The following TMEM130 variants were observed in gnomAD, a reference collection of about 807,000 sequenced individuals.
TMEM130 encodes transmembrane protein 130.
In TMEM130, 37 loss-of-function variants were observed where a neutral mutation model predicts 42.9. The ratio of observed to expected loss-of-function variants is 0.86; its 90% CI spans 0.66 to 1.13. The LOEUF is 1.13. Among genes scored for constraint, TMEM130 ranks in the 50% most tolerant of loss-of-function variants. The pLI is 0.00. For missense variants in TMEM130, 545 were observed against 562.6 expected (o/e 0.97, Z 0.32); for synonymous variants, 259 against 237.7 (o/e 1.09, Z -0.82).
At chr7:98,855,922 C>T in intron 4 of TMEM130, 95 bp downstream of exon 4, 1 of 1,408,906 alleles carries the variant, frequency 7.1e-7, no homozygotes, top group South Asian at 1.4e-5. Context: ...CTCCAGAAGA[C>T]AGGGCGTGAG....
intron 5 of TMEM130, among the ~76,000 whole-genome samples, chr7:98,852,901 G>C (rs889315831): frequency 6.6e-6 from 1 of 152,104 alleles, no homozygotes; most frequent in African/African-American, 2.4e-5. Context: ...CTGACCATGA[G>C]AGCATTCTTA....
chr7:98,850,267 A>ATTTTTTTTTTTTTTTTTT (rs1161479294), intron 6 of TMEM130, among the ~76,000 whole-genome samples: 5 of 28,826 alleles, frequency 1.7e-4, no homozygotes, highest in East Asian at 7.8e-4. Flanking sequence ...ATATATATAT[A>ATTTTTTTTTTTTTTTTTT]TATATATTTT....
chr7:98,847,509 T>TGA lies in TMEM130; in HGVS notation c.*546_*547insTC, dbSNP rs1256317089. On this transcript the variant is annotated 3_prime_UTR_variant, in exon 8 of 8. Coordinates refer to ENST00000339375, the MANE Select transcript of TMEM130 (RefSeq NM_152913.3). The stretch of plus-strand genomic sequence containing the variant: ...TGACGCATGTGTTTATATTTCTGTG[T>TGA]GTGTGTGTGTGTGTGTGTGTGTGTG... 1 of 2,452 alleles carries TGA rather than the reference T, an allele frequency of 4.1e-4. No individual in the cohort carries two copies. Among genetic ancestry groups the TGA allele is most frequent in the African/African-American group, 1.3e-3 (1 of 788 alleles). The allele number at this position is 2,452 out of a possible 1,614,324, so 0.2% of individuals were successfully genotyped here.
intron 1 of TMEM130, chr7:98,866,221 G>C (rs1466631169): frequency 6.6e-6 from 1 of 152,278 alleles, no homozygotes; most frequent in African/African-American, 2.4e-5. Flanking sequence ...TGAGGCCGGA[G>C]AATTACTTGA....
intron 5 of TMEM130, among the ~76,000 whole-genome samples, chr7:98,854,970 AG>A: frequency 6.6e-6 from 1 of 152,364 alleles, no homozygotes; most frequent in Non-Finnish European, 1.5e-5. Flanking sequence ...AGGGAGGCAG[AG>A]GTCGCAGTGA....
At chr7:98,866,608 G>C (rs1794914477) in intron 1 of TMEM130, 1 of 152,218 alleles carries the variant, frequency 6.6e-6, no homozygotes, top group Non-Finnish European at 1.5e-5. Flanking sequence ...GAATCGAGGG[G>C]GCAAGGGAAG....
At chr7:98,849,299 G>A (rs1364048746) in intron 6 of TMEM130, among the ~76,000 whole-genome samples, 3 of 152,330 alleles carry the variant, frequency 2.0e-5, no homozygotes, top group African/African-American at 7.2e-5. Context: ...ATGCTGACCT[G>A]CAAGACTGCT....
At chr7:98,867,268 A>G (rs1554400752) in intron 1 of TMEM130, among the ~76,000 whole-genome samples, 1 of 152,012 alleles carries the variant, frequency 6.6e-6, no homozygotes, top group Non-Finnish European at 1.5e-5. Flanking sequence ...GGTATATGAT[A>G]TTGAGGGACC....
chr7:98,853,345 G>A (rs1193697169), intron 5 of TMEM130, among the ~76,000 whole-genome samples: 7 of 152,030 alleles, frequency 4.6e-5, no homozygotes, highest in East Asian at 1.9e-4. Flanking sequence ...CTTCAAGGGC[G>A]GGTCGGGCAC....
At chr7:98,848,266 G>T in intron 7 of TMEM130, 58 bp from the exon 8 acceptor site, 2 of 1,605,260 alleles carry the variant, frequency 1.2e-6, no homozygotes, top group South Asian at 1.1e-5. Context: ...AAAATCCCAC[G>T]GGTCAATCAC....
chr7:98,849,404 G>A (rs368786263), intron 6 of TMEM130, among the ~76,000 whole-genome samples: 6 of 152,112 alleles, frequency 3.9e-5, no homozygotes, highest in African/African-American at 1.4e-4. Context: ...CTCACCCTCT[G>A]CCATGAGGGT....
chr7:98,853,587 C>A (rs1327802357), intron 5 of TMEM130, among the ~76,000 whole-genome samples: 2 of 152,192 alleles, frequency 1.3e-5, no homozygotes, highest in Non-Finnish European at 2.9e-5. Context: ...GAGATTGCAC[C>A]ACTGCACTCA....
At chr7:98,859,248 T>C (rs117087334) in intron 3 of TMEM130, among the ~76,000 whole-genome samples, 4,407 of 151,498 alleles carry the variant, frequency 0.029, 91 homozygotes, top group South Asian at 0.054. Flanking sequence ...CTTGGCAACA[T>C]AGCAAGACCC....
rs199556348 is a variant in TMEM130 at position 98,863,351 on chromosome 7, C to T, written c.135G>A (p.Ala45=). The T allele has an allele frequency of 1.3e-5, 21 of 1,607,952 alleles. No individual in the cohort carries two copies. The highest frequency in any genetic ancestry group is 1.7e-5 in the Non-Finnish European group (20 of 1,178,822). The change falls in exon 2 of 8, where the codon GCG becomes GCA. Residue 45 remains alanine, a synonymous_variant. Transcript: ENST00000339375. ...CCAGGCTGGCCGAGATGGTCACCAC[C>T]GCTCCCGTGGTGGCAGGGCTATCGG... The part of the protein sequence containing the change: ...LTTDSPATTG[A]VVTISASLVA...
intron 5 of TMEM130, among the ~76,000 whole-genome samples, chr7:98,853,802 G>T (rs1794566305): frequency 6.6e-6 from 1 of 152,174 alleles, no homozygotes; most frequent in African/African-American, 2.4e-5. Context: ...CCTGGGTCAG[G>T]CTGCCTTGAT....
rs1554401027 is a variant in TMEM130 at position 98,869,270 on chromosome 7, C to T, written c.85+507G>A. 7.8e-7 allele frequency: 1 copy of T among 1,288,538 alleles called. No individual in the cohort carries two copies. Among genetic ancestry groups the T allele is most frequent in the Non-Finnish European group, 1.0e-6 (1 of 988,546 alleles). 79.8% of individuals were successfully genotyped at this position (1,288,538 alleles called of 1,614,324 possible). A position where few individuals can be genotyped will look rare whatever the true frequency, so the allele number is the denominator to read the frequency against. ...CACCAGAGAGGAAATGGCAGCCTGG[C>T]CTCCTGGGCTCTAAATTCGCATCTC... On this transcript the variant is annotated intron_variant, in intron 1 of 7. Coordinates refer to ENST00000339375, the MANE Select transcript of TMEM130 (RefSeq NM_152913.3). The surrounding 1 kb of genome is among the most constrained non-coding windows in gnomAD (Gnocchi z 4.7).
In TMEM130 at chr7:98,860,181, GTCCCCGAAGTCC is replaced by G; in HGVS notation, c.537_548del (p.Trp179_Asp183delinsCys). ...CCTGCAGAGGGGTAAGGACCTACCCGTCCCCGAAGTCCCAGCTGTAGAGAAACAAGGCGGTCT... is the reference window on the plus strand; with the variant it reads ...CCTGCAGAGGGGTAAGGACCTACCCGCAGCTGTAGAGAAACAAGGCGGTCT... On this transcript the variant is annotated inframe_deletion, in exon 3 of 8. Coordinates refer to ENST00000339375, the MANE Select transcript of TMEM130 (RefSeq NM_152913.3). 6.2e-7 allele frequency: 1 copy of G among 1,611,594 alleles called. No homozygotes were observed. The highest frequency in any genetic ancestry group is 8.5e-7 in the Non-Finnish European group (1 of 1,178,600).
chr7:98,860,308 T>C lies in TMEM130; in HGVS notation c.422A>G (p.Gln141Arg). The change falls in exon 3 of 8, where the codon CAG (glutamine) becomes CGG (arginine). Residue 141 changes from glutamine (Q) to arginine (R), a missense_variant. Physicochemically the swap from Gln to Arg is conservative, Grantham distance 43 (BLOSUM62 1). Coordinates refer to ENST00000339375, the MANE Select transcript of TMEM130 (RefSeq NM_152913.3). ...GCTGGGCCAGGGTAGGGAAGTGTTCTGGGTGACAACAAGGTCCCCCACGAG... is the reference window on the plus strand; with the variant it reads ...GCTGGGCCAGGGTAGGGAAGTGTTCCGGGTGACAACAAGGTCCCCCACGAG... ...EFLVGDLVVT[Q>R]NTSLPWPSSY... 1 of 1,605,278 alleles carries C rather than the reference T, an allele frequency of 6.2e-7. No individual in the cohort carries two copies. The highest frequency in any genetic ancestry group is 1.7e-5 in the Admixed American group (1 of 59,264).
At chr7:98,861,651 T>A (rs1262227951) in intron 2 of TMEM130, among the ~76,000 whole-genome samples, 1 of 151,730 alleles carries the variant, frequency 6.6e-6, no homozygotes, top group African/African-American at 2.4e-5. Flanking sequence ...GAGGTGGAGG[T>A]TGCAGTGAGC....
Sources: gnomAD v4.1 joint callset for allele counts (sites outside exome capture counted in the v4.1 genomes callset) on GRCh38, gnomAD v4.1.1 for gene constraint, Gnocchi (gnomAD v3.1) non-coding constraint, MANE v1.5 for transcripts, NCBI Gene and HGNC (gene_info 2026-07-23, HGNC 2026-07-21) for gene names.